MRPS23: variants seen among roughly 807,000 people sequenced by gnomAD.
MRPS23 encodes mitochondrial ribosomal protein S23, also known as small ribosomal subunit protein mS23.
In MRPS23, 14 loss-of-function variants were observed where a neutral mutation model predicts 19.8. The observed-to-expected ratio is 0.71, with a 90% CI of 0.47 to 1.11. The LOEUF (loss-of-function observed/expected upper bound fraction) is 1.11. Among genes scored for constraint, MRPS23 ranks in the 50% least tolerant of loss-of-function variants. The pLI, the probability that MRPS23 is intolerant of heterozygous loss-of-function variation, is 0.00. For synonymous variants in MRPS23, 113 were observed against 89.7 expected, an observed-to-expected ratio of 1.26 and a Z score of -1.47; for missense variants, 242 against 236.7, an observed-to-expected ratio of 1.02 and a Z score of -0.15.
At chr17:57,844,223 T>C (rs758062128) in intron 2 of MRPS23, among the ~76,000 whole-genome samples, 54 of 151,584 alleles carry the variant, frequency 3.6e-4, no homozygotes, top group Non-Finnish European at 6.2e-4. Context: ...TACTACAACC[T>C]TGAACTCCTA....
chr17:57,842,682 T>C (rs929925717), intron 2 of MRPS23, among the ~76,000 whole-genome samples: 5 of 152,012 alleles, frequency 3.3e-5, no homozygotes, highest in African/African-American at 1.2e-4. Context: ...CCAATTTACA[T>C]TCACATAGGT....
intron 2 of MRPS23, among the ~76,000 whole-genome samples, chr17:57,842,352 T>C (rs1320901672): frequency 1.3e-5 from 2 of 152,226 alleles, no homozygotes; most frequent in African/African-American, 4.8e-5. Context: ...AAGTGACATG[T>C]AGAAAACTCA....
chr17:57,850,024 T>G lies in MRPS23; in HGVS notation c.-14A>C. 10 of 1,590,186 alleles carry G rather than the reference T, an allele frequency of 6.3e-6. No individual in the cohort carries two copies. The highest frequency in any genetic ancestry group is 7.7e-6 in the Non-Finnish European group (9 of 1,173,064). ...GCTGCCTGCCATGATCTGCGCCTGG[T>G]ACCGAGCGTGACTAGCTGCTACCGG... On this transcript the variant is annotated 5_prime_UTR_variant, in exon 1 of 5. Coordinates refer to ENST00000313608, the MANE Select transcript of MRPS23 (RefSeq NM_016070.4).
chr17:57,849,877 G>C, intron 1 of MRPS23, 90 bp downstream of exon 1: 1 of 1,469,334 alleles, frequency 6.8e-7, no homozygotes, highest in East Asian at 2.5e-5. Context: ...GCCTCGCCCT[G>C]CTCAGGTCCG....
intron 2 of MRPS23, among the ~76,000 whole-genome samples, chr17:57,842,880 AT>A (rs374833752): frequency 0.11 from 9,847 of 86,004 alleles, 724 homozygotes; most frequent in Non-Finnish European, 0.13. Flanking sequence ...AAAAAAAAAA[AT>A]ATATATATAT....
chr17:57,846,337 TG>T (rs1209572217), intron 2 of MRPS23, among the ~76,000 whole-genome samples: 3 of 149,034 alleles, frequency 2.0e-5, no homozygotes, highest in South Asian at 4.3e-4. Context: ...GTCCGGGAGG[TG>T]GGGGGCACCT....
intron 2 of MRPS23, 123 bp downstream of exon 2, chr17:57,849,117 G>A: frequency 3.1e-6 from 4 of 1,303,020 alleles, no homozygotes; most frequent in Non-Finnish European, 3.1e-6. Context: ...AATTTGGCTA[G>A]ATAAGCCTTC....
At chr17:57,846,743 C>T (rs2073778560) in intron 2 of MRPS23, among the ~76,000 whole-genome samples, 1 of 151,824 alleles carries the variant, frequency 6.6e-6, no homozygotes, top group East Asian at 1.9e-4. Flanking sequence ...CATCACCACT[C>T]CCTAATCTCA....
chr17:57,839,048 C>T lies in MRPS23; in HGVS notation c.*735G>A, dbSNP rs2073724717. On this transcript the variant is annotated 3_prime_UTR_variant, in exon 5 of 5. Coordinates refer to ENST00000313608, the MANE Select transcript of MRPS23 (RefSeq NM_016070.4). Reference sequence around the variant, plus strand: ...AGGTGGATGCTGGTGGAGAGCATCACCTAAATTAGCTGCCTCCTTTCTTGG... The same window carrying T: ...AGGTGGATGCTGGTGGAGAGCATCATCTAAATTAGCTGCCTCCTTTCTTGG... 1 of 152,222 alleles carries T rather than the reference C, an allele frequency of 6.6e-6. No homozygotes were observed. Among genetic ancestry groups the T allele is most frequent in the Admixed American group, 6.5e-5 (1 of 15,272 alleles). The allele number at this position is 152,222 out of a possible 1,614,324, so 9.4% of individuals were successfully genotyped here.
chr17:57,843,362 T>C (rs62084484), intron 2 of MRPS23, among the ~76,000 whole-genome samples: 35,275 of 152,108 alleles, frequency 0.23, 4,449 homozygotes, highest in Non-Finnish European at 0.29. Context: ...GAACTCTTTA[T>C]AGTTTTAATT....
At chr17:57,840,799 A>C (rs2144873411) in intron 4 of MRPS23, 127 bp downstream of exon 4, 1 of 1,284,106 alleles carries the variant, frequency 7.8e-7, no homozygotes, top group Admixed American at 2.5e-5. Flanking sequence ...CAAAAACCAC[A>C]GCACTTTATA....
Position 57,840,614 on chromosome 17 carries a change from A to C in MRPS23, c.420+312T>G, listed in dbSNP as rs2073734354. 2.6e-5 allele frequency among the ~76,000 whole-genome samples: 4 copies of C among 152,160 alleles called. No individual in the cohort carries two copies. The South Asian group carries it at 8.3e-4, about 32-fold the overall frequency. ...CCCTCTGCATCTACAGGTTCCACAT[A>C]TGCAGATTCAACAAACCACGGATCA... is the stretch of plus-strand genomic sequence containing the variant. On this transcript the variant is annotated intron_variant, in intron 4 of 4. Transcript: ENST00000313608.
intron 2 of MRPS23, among the ~76,000 whole-genome samples, chr17:57,847,528 G>C (rs1445096258): frequency 1.3e-4 from 19 of 151,256 alleles, no homozygotes; most frequent in African/African-American, 3.6e-4. Context: ...CAGCTGTGGT[G>C]GTGGGCGCCT....
chr17:57,840,835 T>C (rs879468839), intron 4 of MRPS23, 91 bp downstream of exon 4: 208 of 1,501,832 alleles, frequency 1.4e-4, no homozygotes, highest in Non-Finnish European at 1.7e-4. Flanking sequence ...TCTGTGAATA[T>C]TGGTATCTGC....
chr17:57,845,903 T>C (rs1416509158), intron 2 of MRPS23, among the ~76,000 whole-genome samples: 2 of 152,186 alleles, frequency 1.3e-5, no homozygotes, highest in Non-Finnish European at 2.9e-5. Context: ...AATTTGACAA[T>C]GCCTGGCCCA....
rs1483868438 is a variant in MRPS23, at chr17:57,839,071, T to C, written c.*712A>G. On this transcript the variant is annotated 3_prime_UTR_variant, in exon 5 of 5. Transcript: ENST00000313608. ...CACCTAAATTAGCTGCCTCCTTTCT[T>C]GGCAATCCTGTTATCTACACCATAT... 6.6e-6 allele frequency: 1 copy of C among 151,830 alleles called. No homozygotes were observed. Among genetic ancestry groups the C allele is most frequent in the Admixed American group, 6.6e-5 (1 of 15,218 alleles). 9.4% of individuals were successfully genotyped at this position (151,830 alleles called of 1,614,324 possible).
intron 4 of MRPS23, 156 bp downstream of exon 4, chr17:57,840,770 G>T: frequency 3.9e-6 from 3 of 771,678 alleles, no homozygotes; most frequent in Non-Finnish European, 6.0e-6. Context: ...TATATGGGAG[G>T]ATATGTGTAG....
chr17:57,843,656 C>T (rs1197236173), intron 2 of MRPS23, among the ~76,000 whole-genome samples: 1 of 152,118 alleles, frequency 6.6e-6, no homozygotes, highest in African/African-American at 2.4e-5. Context: ...CTCTGCTCCC[C>T]TCAATGTGAG....
chr17:57,848,939 G>C (rs2073793878), intron 2 of MRPS23: 1 of 276,670 alleles, frequency 3.6e-6, no homozygotes, highest in Admixed American at 5.1e-5. Flanking sequence ...TTAGAGTAAG[G>C]CCTTTAGAGA....
Sources: gnomAD v4.1 joint callset for allele counts (sites outside exome capture counted in the v4.1 genomes callset) on GRCh38, gnomAD v4.1.1 for gene constraint, MANE v1.5 for transcripts, NCBI Gene and HGNC (gene_info 2026-07-23, HGNC 2026-07-21) for gene names.